The following CADPS2 variants were observed in gnomAD, a reference collection of about 807,000 sequenced individuals.
CADPS2 encodes calcium-dependent secretion activator 2.
Under a neutral mutation model 172.5 loss-of-function variants are expected in CADPS2, and 93 were observed. The observed-to-expected ratio is 0.54, with a 90% CI of 0.46 to 0.64. The LOEUF (loss-of-function observed/expected upper bound fraction) is 0.64, where lower values mean the gene tolerates loss of function less well. Ranked by LOEUF, CADPS2 falls within the 30% of genes least tolerant of loss-of-function variation. The pLI is 0.00. For synonymous variants in CADPS2, 546 were observed against 555.2 expected, an observed-to-expected ratio of 0.98 and a Z score of 0.23; for missense variants, 1,420 against 1,565.9, an observed-to-expected ratio of 0.91 and a Z score of 1.57.
At chr7:122,676,769 AGACTG>A in intron 2 of CADPS2, 9 of 1,141,298 alleles carry the variant, frequency 7.9e-6, no homozygotes, top group Non-Finnish European at 1.2e-5. Flanking sequence ...AAACTTCTCC[AGACTG>A]TGAACCAAAC....
At chr7:122,629,005 A>G (rs1000582151) in intron 4 of CADPS2, among the ~76,000 whole-genome samples, 1 of 151,906 alleles carries the variant, frequency 6.6e-6, no homozygotes, top group Non-Finnish European at 1.5e-5. Context: ...AGAGAAGTCT[A>G]TAAAAGTTAT....
chr7:122,459,123 AG>A (rs1229037914), intron 14 of CADPS2, among the ~76,000 whole-genome samples: 1 of 151,956 alleles, frequency 6.6e-6, no homozygotes, highest in Non-Finnish European at 1.5e-5. Flanking sequence ...CTAACTCTAT[AG>A]ATGTATTATA....
chr7:122,731,937 C>T (rs1204073431), intron 2 of CADPS2, among the ~76,000 whole-genome samples: 2 of 151,650 alleles, frequency 1.3e-5, no homozygotes, highest in Non-Finnish European at 3.0e-5. Context: ...CACAAACATA[C>T]TTCTTTATTA....
intron 8 of CADPS2, among the ~76,000 whole-genome samples, chr7:122,538,362 TG>T (rs1286746497): frequency 3.4e-5 from 5 of 147,538 alleles, no homozygotes; most frequent in African/African-American, 7.6e-5. Flanking sequence ...TTAGGTTTTT[TG>T]TTTTTTTTTT....
At chr7:122,626,868 G>A (rs1328215368) in intron 4 of CADPS2, among the ~76,000 whole-genome samples, 1 of 152,194 alleles carries the variant, frequency 6.6e-6, no homozygotes, top group Non-Finnish European at 1.5e-5. Flanking sequence ...TTGGTCACAG[G>A]TCTTTCTGGC....
intron 6 of CADPS2, among the ~76,000 whole-genome samples, chr7:122,609,184 T>C (rs1053704233): frequency 5.9e-5 from 9 of 152,160 alleles, no homozygotes; most frequent in African/African-American, 2.2e-4. Context: ...ACTCAAAGGA[T>C]ACTTAACACT....
chr7:122,798,133 A>C (rs771720204), intron 1 of CADPS2, among the ~76,000 whole-genome samples: 32 of 152,194 alleles, frequency 2.1e-4, no homozygotes, highest in African/African-American at 4.3e-4. Context: ...AAACATTTTA[A>C]CACCACAATA....
intron 2 of CADPS2, among the ~76,000 whole-genome samples, chr7:122,695,820 A>G (rs929231008): frequency 6.6e-6 from 1 of 151,736 alleles, no homozygotes; most frequent in Non-Finnish European, 1.5e-5. Flanking sequence ...TAGATTGACA[A>G]TGATGAACAA....
chr7:122,620,653 A>T (rs2430026), intron 5 of CADPS2, among the ~76,000 whole-genome samples: 150,787 of 152,280 alleles, frequency 0.99, 74,672 homozygotes, highest in Middle Eastern at 1. Context: ...TAATATGTAC[A>T]GTGCCTGTAA....
At chr7:122,720,102 C>G (rs2090181867) in intron 2 of CADPS2, among the ~76,000 whole-genome samples, 2 of 152,140 alleles carry the variant, frequency 1.3e-5, no homozygotes, top group South Asian at 4.1e-4. Flanking sequence ...TCAGTGGATA[C>G]TTGAAAGGTG....
At chr7:122,439,820 G>T (rs1315108320) in intron 16 of CADPS2, among the ~76,000 whole-genome samples, 2 of 152,074 alleles carry the variant, frequency 1.3e-5, no homozygotes, top group Non-Finnish European at 1.5e-5. Context: ...GATTAATTTT[G>T]TTTCATATGC....
intron 3 of CADPS2, among the ~76,000 whole-genome samples, chr7:122,657,585 T>A (rs1168246742): frequency 6.6e-6 from 1 of 152,086 alleles, no homozygotes; most frequent in Non-Finnish European, 1.5e-5. Context: ...TGAATAGGAG[T>A]TCATTTGTGA....
chr7:122,698,367 G>A (rs766020224), intron 2 of CADPS2: 3 of 1,613,654 alleles, frequency 1.9e-6, no homozygotes, highest in Non-Finnish European at 2.5e-6. Flanking sequence ...TCATCCAGAT[G>A]ATGTGCTTTC....
intron 1 of CADPS2, among the ~76,000 whole-genome samples, chr7:122,816,928 T>G (rs774652235): frequency 3.3e-5 from 5 of 151,848 alleles, no homozygotes; most frequent in Middle Eastern, 3.4e-3. Context: ...TGAAAGTCCT[T>G]TTCCTGGCTC....
chr7:122,668,359 C>T (rs1419679244), intron 2 of CADPS2, among the ~76,000 whole-genome samples: 2 of 148,684 alleles, frequency 1.3e-5, no homozygotes, highest in Non-Finnish European at 3.0e-5. Context: ...ATGGAAAATC[C>T]ATTTAGTTTC....
At chr7:122,698,846 A>G in intron 2 of CADPS2, 2 of 1,613,462 alleles carry the variant, frequency 1.2e-6, no homozygotes, top group Admixed American at 1.7e-5. Flanking sequence ...CTAACAAGCC[A>G]AAGAACACTG....
intron 3 of CADPS2, among the ~76,000 whole-genome samples, chr7:122,657,386 A>G (rs1408805891): frequency 6.6e-6 from 1 of 152,184 alleles, no homozygotes; most frequent in Non-Finnish European, 1.5e-5. Flanking sequence ...TTGAATCTAT[A>G]AATTACCTTG....
intron 12 of CADPS2, chr7:122,480,188 T>C (rs932132974): frequency 2.6e-5 from 12 of 458,194 alleles, no homozygotes; most frequent in Non-Finnish European, 5.0e-5. Flanking sequence ...ATCCAGAGAG[T>C]CAAAGAAAAA....
At chr7:122,677,663 T>C (rs757517269) in intron 2 of CADPS2, among the ~76,000 whole-genome samples, 1 of 151,850 alleles carries the variant, frequency 6.6e-6, no homozygotes, top group African/African-American at 2.4e-5. Flanking sequence ...ACAACAACAA[T>C]AAAAACCCAA....
Sources: gnomAD v4.1 joint callset for allele counts (sites outside exome capture counted in the v4.1 genomes callset) on GRCh38, gnomAD v4.1.1 for gene constraint, MANE v1.5 for transcripts, NCBI Gene and HGNC (gene_info 2026-07-23, HGNC 2026-07-21) for gene names.